The following OTC variants were observed in gnomAD, a reference collection of about 807,000 sequenced individuals.
OTC encodes the protein ornithine transcarbamylase, mitochondrial.
OTC carries 3 observed loss-of-function variants against 30.3 expected under a neutral mutation model. The ratio of observed to expected loss-of-function variants is 0.10; its 90% confidence interval spans 0.05 to 0.26. The LOEUF is 0.26. Ranked by LOEUF, OTC falls within the 10% of genes least tolerant of loss-of-function variation. The pLI, the probability that OTC is intolerant of heterozygous loss-of-function variation, is 1.00. For synonymous variants in OTC, 111 were observed against 99.7 expected (o/e 1.11, Z -0.67); for missense variants, 194 against 260.3 (o/e 0.75, Z 1.75).
At chrX:38,420,240 A>T (rs372200146) in intron 9 of OTC, among the ~76,000 whole-genome samples, 1 of 111,260 alleles carries the variant, frequency 9.0e-6, no homozygotes, top group Admixed American at 9.6e-5. Flanking sequence ...GATTTCCTCA[A>T]CTATAAATGA....
At chrX:38,353,506 A>G (rs2068227700) in intron 1 of OTC, among the ~76,000 whole-genome samples, 1 of 111,689 alleles carries the variant, frequency 9.0e-6, no homozygotes, top group South Asian at 3.7e-4. Flanking sequence ...GTTAATAATG[A>G]GACAGAATTT....
chrX:38,407,850 T>C (rs1309060569), intron 6 of OTC, among the ~76,000 whole-genome samples: 2 of 111,713 alleles, frequency 1.8e-5, no homozygotes, highest in Admixed American at 1.9e-4. Context: ...TTCTTGCTGC[T>C]GTGTACAGAA....
chrX:38,328,167 G>C, the OTC span, among the ~76,000 whole-genome samples: 2 of 112,232 alleles, frequency 1.8e-5, no homozygotes, highest in Non-Finnish European at 3.8e-5. Context: ...GGTTTCCCAT[G>C]CATCAACATT....
the OTC span, among the ~76,000 whole-genome samples, chrX:38,342,883 C>A: frequency 8.9e-6 from 1 of 111,840 alleles, no homozygotes; most frequent in Admixed American, 9.5e-5. Context: ...AGTGGAGCAG[C>A]CTTGAGAGAA....
rs1380714442 is a variant in OTC at position 38,386,165 on chromosome X, G to A, written c.386+4736G>A. On this transcript the variant is annotated intron_variant, in intron 4 of 9. Transcript: ENST00000039007. Reference sequence around the variant, plus strand: ...CAAGGTGGGCAGATCGCGAGGTCAGGAGTTTGAGACCAGCCTGACCAACAT... The same window carrying A: ...CAAGGTGGGCAGATCGCGAGGTCAGAAGTTTGAGACCAGCCTGACCAACAT... Among the ~76,000 whole-genome samples the A allele has an allele frequency of 2.8e-5, 3 of 108,640 alleles. No homozygotes were observed. In the East Asian group the frequency reaches 8.7e-4, roughly 32 times the overall value. The allele number at this position is 108,640 out of a possible 115,157, so 94.3% of individuals were successfully genotyped here. A position where few individuals can be genotyped will look rare whatever the true frequency, so the allele number is the denominator to read the frequency against.
At chrX:38,342,909 T>C in the OTC span, among the ~76,000 whole-genome samples, 1,729 of 111,931 alleles carry the variant, frequency 0.015, 44 homozygotes, top group African/African-American at 0.053. Context: ...CTGTGTTTAA[T>C]CATTAGCTTA....
intron 8 of OTC, among the ~76,000 whole-genome samples, chrX:38,411,364 G>GAA (rs368378566): frequency 1.8e-5 from 1 of 56,545 alleles, no homozygotes; most frequent in Non-Finnish European, 3.7e-5. Context: ...AATTTAAAAA[G>GAA]AAAAAAAAAA....
chrX:38,384,450 A>C (rs1186815095), intron 4 of OTC, among the ~76,000 whole-genome samples: 2 of 112,420 alleles, frequency 1.8e-5, no homozygotes, highest in East Asian at 5.5e-4. Flanking sequence ...AATAAAGCTA[A>C]ATTGAAGAAG....
chrX:38,371,973 G>C (rs143900607), intron 3 of OTC, among the ~76,000 whole-genome samples: 1 of 111,429 alleles, frequency 9.0e-6, no homozygotes, highest in Non-Finnish European at 1.9e-5. Flanking sequence ...TGTTTTTACC[G>C]TTAGTACTTA....
intron 4 of OTC, among the ~76,000 whole-genome samples, chrX:38,387,599 T>C (rs1169127446): frequency 9.0e-6 from 1 of 111,669 alleles, no homozygotes; most frequent in Non-Finnish European, 1.9e-5. Flanking sequence ...TTGGAGTCTC[T>C]AACACCACAC....
intron 9 of OTC, among the ~76,000 whole-genome samples, chrX:38,419,779 T>A (rs2068586130): frequency 9.0e-6 from 1 of 111,181 alleles, no homozygotes; most frequent in Non-Finnish European, 1.9e-5. Context: ...AAATACTACA[T>A]GATCTCACTT....
intron 4 of OTC, among the ~76,000 whole-genome samples, chrX:38,384,474 A>G (rs1007068136): frequency 8.9e-6 from 1 of 112,605 alleles, no homozygotes; most frequent in African/African-American, 3.2e-5. Context: ...AGATAAATCT[A>G]CCACCTTCCA....
At chrX:38,388,553 T>C (rs2068415522) in intron 4 of OTC, among the ~76,000 whole-genome samples, 1 of 111,204 alleles carries the variant, frequency 9.0e-6, no homozygotes, top group Non-Finnish European at 1.9e-5. Context: ...ATATGGAATT[T>C]AGCAACAGCA....
intron 4 of OTC, among the ~76,000 whole-genome samples, chrX:38,388,017 C>T (rs1353019414): frequency 1.8e-5 from 2 of 111,898 alleles, no homozygotes; most frequent in African/African-American, 6.5e-5. Context: ...AGATGCTAGC[C>T]AAGGGTCAGC....
intron 4 of OTC, among the ~76,000 whole-genome samples, chrX:38,395,182 A>G (rs2068449449): frequency 9.0e-6 from 1 of 111,002 alleles, no homozygotes; most frequent in African/African-American, 3.3e-5. Flanking sequence ...TATGTTGGCC[A>G]GGCTGGTCTC....
chrX:38,403,583 C>G lies in OTC; in HGVS notation c.541-35C>G, dbSNP rs766682969. On this transcript the variant is annotated intron_variant, in intron 5 of 9. Transcript: ENST00000039007. ...ATTGCTACACATAAGCGAATTTACG[C>G]CTGGATTTCATCTCCTTCATCCCGT... The G allele has an allele frequency of 2.8e-5, 34 of 1,203,395 alleles. No homozygotes were observed. In the East Asian group the frequency reaches 1.0e-3, roughly 36 times the overall value.
intron 4 of OTC, among the ~76,000 whole-genome samples, chrX:38,391,345 GTAAC>G (rs1013008882): frequency 9.0e-5 from 10 of 110,899 alleles, no homozygotes; most frequent in African/African-American, 3.3e-4. Context: ...GTATACATAT[GTAAC>G]TAACCTGCAT....
intron 9 of OTC, among the ~76,000 whole-genome samples, chrX:38,420,271 G>A (rs2147349672): frequency 9.0e-6 from 1 of 111,153 alleles, no homozygotes; most frequent in Admixed American, 9.6e-5. Flanking sequence ...AGCTACCTTA[G>A]AATTTTGTTG....
At chrX:38,384,286 T>C (rs2068391171) in intron 4 of OTC, among the ~76,000 whole-genome samples, 1 of 111,641 alleles carries the variant, frequency 9.0e-6, no homozygotes, top group Non-Finnish European at 1.9e-5. Context: ...ACAAGCATAG[T>C]ACAATATCAG....
Sources: allele counts gnomAD v4.1 joint callset (sites outside exome capture counted in the v4.1 genomes callset), GRCh38; gene constraint gnomAD v4.1.1; transcripts MANE v1.5; gene names NCBI Gene and HGNC (gene_info 2026-07-23, HGNC 2026-07-21).